CNTN5: variants seen among roughly 807,000 people sequenced by gnomAD.
The protein encoded by CNTN5 is contactin 5.
In CNTN5, 77 loss-of-function variants were observed where a neutral mutation model predicts 129.1. The observed-to-expected ratio is 0.60, with a 90% CI of 0.50 to 0.72. The LOEUF (loss-of-function observed/expected upper bound fraction) is 0.72. CNTN5 is among the 30% of genes least tolerant of loss of function. The pLI is 0.00. For synonymous variants in CNTN5, 509 were observed against 465.6 expected (o/e 1.09, Z -1.20); for missense variants, 1,478 against 1,328.8 (o/e 1.11, Z -1.75).
rs568951854 is a variant in CNTN5, at chr11:99,808,049, C to T, written c.56-11495C>T. 2.0e-4 allele frequency among the ~76,000 whole-genome samples: 31 copies of T among 152,248 alleles called. No individual in the cohort carries two copies. The East Asian group carries it at 5.2e-3, about 26-fold the overall frequency. ...AGAGAAATACATGTTAGCTGATTCTCATACCGATTTGGAAGGGTACTATAC... is the reference window on the plus strand; with the variant it reads ...AGAGAAATACATGTTAGCTGATTCTTATACCGATTTGGAAGGGTACTATAC... On this transcript the variant is annotated intron_variant, in intron 3 of 24. Transcript: ENST00000524871.
intron 11 of CNTN5, among the ~76,000 whole-genome samples, chr11:100,070,834 G>A (rs1943894318): frequency 6.6e-6 from 1 of 151,846 alleles, no homozygotes; most frequent in African/African-American, 2.4e-5. Flanking sequence ...ACATTTTTTG[G>A]TAATACAGTG....
At chr11:99,388,312 G>A (rs1941037503) in intron 2 of CNTN5, among the ~76,000 whole-genome samples, 1 of 151,402 alleles carries the variant, frequency 6.6e-6, no homozygotes, top group Non-Finnish European at 1.5e-5. Flanking sequence ...CTACTTGGGA[G>A]GCTGAGGCAG....
At chr11:100,232,760 C>A (rs994700280) in intron 16 of CNTN5, among the ~76,000 whole-genome samples, 3 of 152,102 alleles carry the variant, frequency 2.0e-5, no homozygotes, top group African/African-American at 7.2e-5. Context: ...GGGAAAAACA[C>A]ATCTTTTTAC....
chr11:100,164,967 T>A (rs540769268), intron 13 of CNTN5, among the ~76,000 whole-genome samples: 198 of 151,924 alleles, frequency 1.3e-3, no homozygotes, highest in African/African-American at 4.7e-3. Flanking sequence ...TAAATGTATA[T>A]TTTTTACTTA....
chr11:99,350,040 A>G (rs947304955), intron 2 of CNTN5, among the ~76,000 whole-genome samples: 2 of 152,116 alleles, frequency 1.3e-5, no homozygotes, highest in South Asian at 2.1e-4. Context: ...TTTTCAAGTT[A>G]TATTGCCAAC....
intron 2 of CNTN5, among the ~76,000 whole-genome samples, chr11:99,543,742 A>G (rs375698466): frequency 3.0e-4 from 45 of 152,090 alleles, no homozygotes; most frequent in African/African-American, 9.9e-4. Flanking sequence ...ACATGGTGAA[A>G]CCCCATCTCT....
At chr11:99,706,695 T>G (rs1247068968) in intron 3 of CNTN5, among the ~76,000 whole-genome samples, 2 of 151,546 alleles carry the variant, frequency 1.3e-5, no homozygotes, top group Non-Finnish European at 3.0e-5. Flanking sequence ...TGTATCAACA[T>G]TCTTACGAGT....
chr11:99,895,601 G>T (rs1453590), intron 6 of CNTN5, among the ~76,000 whole-genome samples: 41,609 of 152,128 alleles, frequency 0.27, 6,477 homozygotes, highest in Non-Finnish European at 0.36. Flanking sequence ...AACCCACCCA[G>T]AACTGGTATG....
chr11:99,483,341 G>C (rs928958105), intron 2 of CNTN5, among the ~76,000 whole-genome samples: 1 of 152,150 alleles, frequency 6.6e-6, no homozygotes, highest in African/African-American at 2.4e-5. Flanking sequence ...TGGCCTGCTA[G>C]TACTTGAGAG....
At chr11:99,863,390 C>T (rs1948267781) in intron 6 of CNTN5, among the ~76,000 whole-genome samples, 2 of 151,792 alleles carry the variant, frequency 1.3e-5, no homozygotes, top group Admixed American at 1.3e-4. Flanking sequence ...AGCTAATTTG[C>T]AGGGAAAAGG....
chr11:99,241,937 C>A (rs894781664), intron 1 of CNTN5, among the ~76,000 whole-genome samples: 3 of 151,866 alleles, frequency 2.0e-5, no homozygotes, highest in African/African-American at 7.3e-5. Context: ...CACATACATA[C>A]ACACACACAC....
intron 3 of CNTN5, among the ~76,000 whole-genome samples, chr11:99,778,259 G>C (rs544974717): frequency 6.6e-6 from 1 of 151,756 alleles, no homozygotes; most frequent in East Asian, 2.0e-4. Flanking sequence ...TTTCAGACTT[G>C]TTCAGCTGAC....
intron 3 of CNTN5, among the ~76,000 whole-genome samples, chr11:99,669,857 G>A (rs1302766290): frequency 6.6e-6 from 1 of 152,094 alleles, no homozygotes; most frequent in Non-Finnish European, 1.5e-5. Context: ...CACCCTGTCT[G>A]TGTATTTAAT....
chr11:100,076,657 A>G (rs1175453094), intron 13 of CNTN5, among the ~76,000 whole-genome samples: 3 of 151,844 alleles, frequency 2.0e-5, no homozygotes, highest in African/African-American at 7.3e-5. Context: ...GTTTAGGAAG[A>G]AGGCTAAAAT....
intron 1 of CNTN5, among the ~76,000 whole-genome samples, chr11:99,250,579 AT>A (rs546722785): frequency 6.6e-6 from 1 of 151,838 alleles, no homozygotes; most frequent in Admixed American, 6.6e-5. Context: ...TTCATGCTGA[AT>A]TTTTTTTCCA....
chr11:99,652,169 T>G (rs2135884141), intron 3 of CNTN5, among the ~76,000 whole-genome samples: 1 of 152,148 alleles, frequency 6.6e-6, no homozygotes, highest in African/African-American at 2.4e-5. Flanking sequence ...GAATTCAGTT[T>G]ACTGAGGTTA....
chr11:100,015,809 A>G (rs1940792345), intron 9 of CNTN5, among the ~76,000 whole-genome samples: 1 of 152,100 alleles, frequency 6.6e-6, no homozygotes, highest in Non-Finnish European at 1.5e-5. Flanking sequence ...TTAATTACAT[A>G]AGGTGTTGAT....
intron 3 of CNTN5, among the ~76,000 whole-genome samples, chr11:99,613,289 AGATCT>A (rs761981867): frequency 9.9e-5 from 15 of 152,080 alleles, no homozygotes; most frequent in Non-Finnish European, 1.2e-4. Flanking sequence ...AGCTCTCATG[AGATCT>A]GATGGTTTTA....
chr11:100,046,989 G>A (rs952798177), intron 9 of CNTN5, among the ~76,000 whole-genome samples: 2 of 152,152 alleles, frequency 1.3e-5, no homozygotes, highest in East Asian at 1.9e-4. Context: ...CAGAGAGGGA[G>A]ATCAGTGAAG....
Sources: allele counts gnomAD v4.1 joint callset (sites outside exome capture counted in the v4.1 genomes callset), GRCh38; gene constraint gnomAD v4.1.1; transcripts MANE v1.5; gene names NCBI Gene and HGNC (gene_info 2026-07-23, HGNC 2026-07-21).